The following SOX6 variants were observed in gnomAD, a reference collection of about 807,000 sequenced individuals.
SOX6 encodes SRY-box transcription factor 6.
A neutral mutation model predicts 97.8 loss-of-function variants in SOX6; 11 were observed. The observed-to-expected ratio is 0.11, with a 90% CI of 0.07 to 0.19. The LOEUF (loss-of-function observed/expected upper bound fraction) is 0.19. SOX6 is among the 10% of genes least tolerant of loss of function. The pLI is 1.00. For missense variants in SOX6, 810 were observed against 1,039.5 expected (o/e 0.78, Z 3.04); for synonymous variants, 360 against 371.4 (o/e 0.97, Z 0.35).
intron 7 of SOX6, among the ~76,000 whole-genome samples, chr11:16,098,112 A>T (rs561236841): frequency 2.4e-4 from 36 of 151,980 alleles, no homozygotes; most frequent in Non-Finnish European, 3.5e-4. Flanking sequence ...AAGGGCTCTG[A>T]GCTATTGACT....
chr11:16,430,785 C>G (rs1031154503), intron 1 of SOX6, among the ~76,000 whole-genome samples: 2 of 152,180 alleles, frequency 1.3e-5, no homozygotes, highest in Non-Finnish European at 2.9e-5. Context: ...ACTAGTCTCC[C>G]TGCTATAGTC....
chr11:16,162,316 ATGT>A (rs2134071444), intron 6 of SOX6, among the ~76,000 whole-genome samples: 1 of 152,328 alleles, frequency 6.6e-6, no homozygotes, highest in Admixed American at 6.5e-5. Context: ...CAGTAACTAG[ATGT>A]TTTCAGGACA....
At chr11:16,663,890 T>C (rs973738984) in intron 3 of SOX6, among the ~76,000 whole-genome samples, 1 of 152,208 alleles carries the variant, frequency 6.6e-6, no homozygotes, top group Non-Finnish European at 1.5e-5. Context: ...TACAAAATCA[T>C]TTTAATATGC....
At chr11:15,990,541 A>G (rs1471659448) in intron 13 of SOX6, among the ~76,000 whole-genome samples, 1 of 152,148 alleles carries the variant, frequency 6.6e-6, no homozygotes, top group Non-Finnish European at 1.5e-5. Flanking sequence ...GATTTCAATT[A>G]GTAAAATATG....
chr11:16,386,635 C>T (rs1857994821), intron 1 of SOX6, among the ~76,000 whole-genome samples: 1 of 152,048 alleles, frequency 6.6e-6, no homozygotes, highest in Admixed American at 6.6e-5. Flanking sequence ...AGCTTCTTTT[C>T]TATTTATGGC....
chr11:16,671,751 C>A (rs140142041), intron 3 of SOX6, among the ~76,000 whole-genome samples: 2 of 152,312 alleles, frequency 1.3e-5, no homozygotes, highest in East Asian at 3.9e-4. Context: ...TGAAAACTCC[C>A]CCAACCTGGC....
intron 3 of SOX6, among the ~76,000 whole-genome samples, chr11:16,693,572 G>T (rs1379431055): frequency 6.6e-6 from 1 of 151,970 alleles, no homozygotes; most frequent in Non-Finnish European, 1.5e-5. Context: ...AACTTTTCAT[G>T]GAATCCATGT....
chr11:16,293,085 A>G (rs1302513186), intron 3 of SOX6, among the ~76,000 whole-genome samples: 1 of 152,348 alleles, frequency 6.6e-6, no homozygotes, highest in East Asian at 1.9e-4. Context: ...ATCTAACAGT[A>G]GATATGCTTT....
intron 7 of SOX6, among the ~76,000 whole-genome samples, chr11:16,107,908 G>A (rs1004595014): frequency 1.3e-5 from 2 of 152,042 alleles, no homozygotes; most frequent in Non-Finnish European, 2.9e-5. Flanking sequence ...CTTTTGGGCC[G>A]CATTTCCAAT....
rs545910341 is a variant in SOX6, at chr11:16,723,999, T to G, written n.354-9094A>C. 4.6e-5 allele frequency among the ~76,000 whole-genome samples: 7 copies of G among 152,346 alleles called. No individual in the cohort carries two copies. In the East Asian group the frequency reaches 1.4e-3, roughly 29 times the overall value. ...ACAACACTAGTTTGTATACAAATTATAATTCACATTTGTACTATATTACAT... is the reference window on the plus strand; with the variant it reads ...ACAACACTAGTTTGTATACAAATTAGAATTCACATTTGTACTATATTACAT... On this transcript the variant is annotated intron_variant and non_coding_transcript_variant, in intron 2 of 5. Transcript: ENST00000524520.
intron 1 of SOX6, among the ~76,000 whole-genome samples, chr11:16,432,368 T>C (rs1859287517): frequency 6.6e-6 from 1 of 152,142 alleles, no homozygotes; most frequent in African/African-American, 2.4e-5. Flanking sequence ...TAACTATCTC[T>C]CTTTAAGTCA....
chr11:16,619,230 C>T (rs1320010958), intron 3 of SOX6, among the ~76,000 whole-genome samples: 10 of 149,834 alleles, frequency 6.7e-5, no homozygotes, highest in East Asian at 5.8e-4. Flanking sequence ...AATCATGAGC[C>T]CGTATTACCA....
chr11:15,988,553 G>T (rs1853938485), intron 14 of SOX6, among the ~76,000 whole-genome samples: 1 of 152,036 alleles, frequency 6.6e-6, no homozygotes, highest in Non-Finnish European at 1.5e-5. Context: ...TCTTTCAGTG[G>T]GACATATAAA....
chr11:16,269,840 C>T (rs1210865998), intron 3 of SOX6: 1 of 151,168 alleles, frequency 6.6e-6, no homozygotes, highest in Non-Finnish European at 1.5e-5. Flanking sequence ...TCTAAGCATT[C>T]CTAGGTATGC....
intron 3 of SOX6, among the ~76,000 whole-genome samples, chr11:16,256,802 G>A (rs1199298088): frequency 6.6e-6 from 1 of 151,822 alleles, no homozygotes; most frequent in Non-Finnish European, 1.5e-5. Flanking sequence ...ATGATCATCT[G>A]AGTAGAAAAT....
intron 6 of SOX6, among the ~76,000 whole-genome samples, chr11:16,154,716 T>A (rs1022612924): frequency 6.6e-6 from 1 of 152,186 alleles, no homozygotes; most frequent in African/African-American, 2.4e-5. Context: ...TATTGTAATA[T>A]ACACATCAAA....
intron 6 of SOX6, among the ~76,000 whole-genome samples, chr11:16,169,236 A>T (rs1005359340): frequency 2.6e-5 from 4 of 152,142 alleles, no homozygotes; most frequent in African/African-American, 9.7e-5. Context: ...AATAACTGGT[A>T]CATCCTGCTT....
At chr11:16,022,344 T>TTCCA (rs1855087894) in intron 12 of SOX6, among the ~76,000 whole-genome samples, 1 of 144,210 alleles carries the variant, frequency 6.9e-6, no homozygotes, top group African/African-American at 2.6e-5. Flanking sequence ...CCTTCCTTCC[T>TTCCA]TCCTTCCTTC....
At chr11:16,557,880 T>C (rs1314833067) in intron 4 of SOX6, among the ~76,000 whole-genome samples, 1 of 151,870 alleles carries the variant, frequency 6.6e-6, no homozygotes, top group Non-Finnish European at 1.5e-5. Context: ...GCCCTTTTGT[T>C]ACATAGCTAC....
Sources: allele counts gnomAD v4.1 joint callset (sites outside exome capture counted in the v4.1 genomes callset), GRCh38; gene constraint gnomAD v4.1.1; transcripts MANE v1.5; gene names NCBI Gene and HGNC (gene_info 2026-07-23, HGNC 2026-07-21).